Variants in TBC1D14 observed in about 807,000 individuals in gnomAD.
The protein encoded by TBC1D14 is TBC1 domain family member 14, also known as TBC1 domain family, member 14.
TBC1D14 carries 26 observed loss-of-function variants against 79.0 expected under a neutral mutation model. The observed-to-expected ratio is 0.33, with a 90% CI of 0.24 to 0.46. TBC1D14 has a LOEUF of 0.46. Ranked by LOEUF, TBC1D14 falls within the 20% of genes least tolerant of loss-of-function variation. The pLI is 1.00. For missense variants in TBC1D14, 769 were observed against 887.6 expected, an observed-to-expected ratio of 0.87 and a Z score of 1.70; for synonymous variants, 394 against 349.9, an observed-to-expected ratio of 1.13 and a Z score of -1.40.
chr4:7,012,259 G>A (rs974830253), intron 11 of TBC1D14, among the ~76,000 whole-genome samples: 9 of 149,710 alleles, frequency 6.0e-5, no homozygotes, highest in Non-Finnish European at 1.0e-4. Context: ...CCGAGATTGC[G>A]CCACTGCACT....
At chr4:6,912,611 A>G (rs1723095087) in intron 1 of TBC1D14, among the ~76,000 whole-genome samples, 1 of 152,104 alleles carries the variant, frequency 6.6e-6, no homozygotes, top group Non-Finnish European at 1.5e-5. Context: ...GTGGCCTTGT[A>G]GACACAGACT....
chr4:6,998,773 A>G (rs1719347525), intron 5 of TBC1D14: 1 of 244,442 alleles, frequency 4.1e-6, no homozygotes, highest in Non-Finnish European at 8.1e-6. Flanking sequence ...TCCTGACCTC[A>G]GGTGATCCAC....
intron 2 of TBC1D14, chr4:6,954,410 G>A (rs1714428733): frequency 2.8e-6 from 2 of 717,264 alleles, no homozygotes; most frequent in Admixed American, 2.0e-5. Flanking sequence ...TCTTTCCTGC[G>A]TGTAGCTTTG....
At chr4:6,964,358 G>T (rs1037756544) in intron 2 of TBC1D14, among the ~76,000 whole-genome samples, 16 of 152,222 alleles carry the variant, frequency 1.1e-4, no homozygotes, top group African/African-American at 3.6e-4. Context: ...TACACCCTCT[G>T]CAGCTCCTGT....
At chr4:6,960,804 C>G (rs1213380269) in intron 2 of TBC1D14, among the ~76,000 whole-genome samples, 1 of 152,208 alleles carries the variant, frequency 6.6e-6, no homozygotes, top group Non-Finnish European at 1.5e-5. Flanking sequence ...CGCTGCGTCT[C>G]TTCAGATGTT....
At chr4:6,922,621 G>A (rs1229403626) in intron 1 of TBC1D14, among the ~76,000 whole-genome samples, 6 of 152,134 alleles carry the variant, frequency 3.9e-5, no homozygotes, top group Non-Finnish European at 5.9e-5. Context: ...GTTGTTTTCC[G>A]TCTTAATGAA....
chr4:6,937,847 G>A (rs894499865), intron 2 of TBC1D14, among the ~76,000 whole-genome samples: 6 of 152,104 alleles, frequency 3.9e-5, no homozygotes, highest in Non-Finnish European at 8.8e-5. Flanking sequence ...GGGTAGTGGG[G>A]GGTCGTCACC....
intron 3 of TBC1D14, among the ~76,000 whole-genome samples, chr4:6,988,631 C>G (rs1212406529): frequency 6.6e-6 from 1 of 152,246 alleles, no homozygotes; most frequent in Non-Finnish European, 1.5e-5. Context: ...GTTATTTTCA[C>G]TGGTGAATCT....
At chr4:6,980,746 C>T (rs1323726516) in intron 3 of TBC1D14, among the ~76,000 whole-genome samples, 2 of 151,042 alleles carry the variant, frequency 1.3e-5, no homozygotes, top group South Asian at 2.1e-4. Flanking sequence ...TACGGAGTCT[C>T]GCTTTGCCAC....
At chr4:7,005,005 G>A (rs889554677) in intron 8 of TBC1D14, 81 bp downstream of exon 8, 43 of 1,240,220 alleles carry the variant, frequency 3.5e-5, no homozygotes, top group East Asian at 7.0e-5. Context: ...GAAAGTTGAC[G>A]TTAACTACAG....
chr4:6,958,372 C>CAT lies in TBC1D14; in HGVS notation c.723-8928_723-8927dup, dbSNP rs796680074. On this transcript the variant is annotated intron_variant, in intron 2 of 13. Transcript: ENST00000409757. ...GTAAGGGTGATACACGTGATCCCCACATATACACACACACACACACACACA... is the reference window on the plus strand; with the variant it reads ...GTAAGGGTGATACACGTGATCCCCACATATATACACACACACACACACACACA... Among the ~76,000 whole-genome samples the CAT allele has an allele frequency of 6.8e-5, 7 of 102,956 alleles. No individual in the cohort carries two copies. The Admixed American group carries it at 7.9e-4, about 12-fold the overall frequency. The allele number at this position is 102,956 out of a possible 152,430, so 67.5% of individuals were successfully genotyped here.
intron 3 of TBC1D14, among the ~76,000 whole-genome samples, chr4:6,968,192 A>G (rs6831368): frequency 0.42 from 63,947 of 151,746 alleles, 14,286 homozygotes; most frequent in African/African-American, 0.57. Flanking sequence ...CTCAGTAGAC[A>G]CTCTTGAGGC....
At position 7,030,410 on chromosome 4, in the gene TBC1D14, G is replaced by C. The variant is rs372743499; in HGVS notation, c.*18G>C. On this transcript the variant is annotated 3_prime_UTR_variant, in exon 14 of 14. Coordinates refer to ENST00000409757, the MANE Select transcript of TBC1D14 (RefSeq NM_020773.3). ...GACACTGAGGCTGCAGCGGGAATTC[G>C]CACTCGGCACCAATCAGAGCCCCAT... 244 of 1,613,176 alleles carry C rather than the reference G, an allele frequency of 1.5e-4. No individual in the cohort carries two copies. Among genetic ancestry groups the C allele is most frequent in the Non-Finnish European group, 1.9e-4 (222 of 1,179,430 alleles).
intron 3 of TBC1D14, among the ~76,000 whole-genome samples, chr4:6,978,819 G>A (rs917753861): frequency 1.3e-4 from 20 of 151,918 alleles, no homozygotes; most frequent in African/African-American, 4.8e-4. Flanking sequence ...GAAATGACGT[G>A]TGCATGGGGT....
intron 2 of TBC1D14, among the ~76,000 whole-genome samples, chr4:6,944,492 C>T (rs548043162): frequency 5.9e-5 from 9 of 152,190 alleles, no homozygotes; most frequent in Non-Finnish European, 1.0e-4. Context: ...GTCTCGGGCC[C>T]CTGTCAGCTC....
intron 3 of TBC1D14, chr4:6,987,069 G>T: frequency 1.2e-6 from 1 of 826,670 alleles, no homozygotes; most frequent in East Asian, 4.4e-5. Flanking sequence ...GTACCACGGG[G>T]ACGCCCCAGC....
At chr4:6,946,447 G>C (rs1713472289) in intron 2 of TBC1D14, among the ~76,000 whole-genome samples, 2 of 152,174 alleles carry the variant, frequency 1.3e-5, no homozygotes, top group African/African-American at 4.8e-5. Flanking sequence ...ATTCTCCTGA[G>C]TAGCTGGGAT....
At chr4:7,010,837 G>T in intron 11 of TBC1D14, 56 bp downstream of exon 11, 1 of 1,559,278 alleles carries the variant, frequency 6.4e-7, no homozygotes, top group Non-Finnish European at 8.7e-7. Flanking sequence ...GTCAAGAGTT[G>T]CTTACTCGTC....
intron 2 of TBC1D14, among the ~76,000 whole-genome samples, chr4:6,945,966 GA>G (rs1384154915): frequency 6.6e-6 from 1 of 152,080 alleles, no homozygotes; most frequent in African/African-American, 2.4e-5. Context: ...TGCGCCTCAG[GA>G]TGCTTGAAAA....
Sources: allele counts gnomAD v4.1 joint callset (sites outside exome capture counted in the v4.1 genomes callset), GRCh38; gene constraint gnomAD v4.1.1; transcripts MANE v1.5; gene names NCBI Gene and HGNC (gene_info 2026-07-23, HGNC 2026-07-21).